SP140L: variants seen among roughly 807,000 people sequenced by gnomAD.
SP140L encodes SP140 like nuclear body protein, also known as nuclear body protein SP140-like protein.
A neutral mutation model predicts 84.3 loss-of-function variants in SP140L; 64 were observed. The observed-to-expected ratio is 0.76, with a 90% CI of 0.62 to 0.94. The LOEUF is 0.94. Among genes scored for constraint, SP140L ranks in the 40% least tolerant of loss-of-function variants. The probability of loss-of-function intolerance (pLI) is 0.00; values close to 1 mark genes in which losing one functional copy is unlikely to be tolerated. For synonymous variants in SP140L, 242 were observed against 236.9 expected, an observed-to-expected ratio of 1.02 and a Z score of -0.20; for missense variants, 628 against 692.5, an observed-to-expected ratio of 0.91 and a Z score of 1.05.
intron 7 of SP140L, among the ~76,000 whole-genome samples, chr2:230,376,477 A>C (rs1042468625): frequency 2.6e-5 from 4 of 152,176 alleles, no homozygotes; most frequent in African/African-American, 9.6e-5. Flanking sequence ...AAATAATCCC[A>C]TTTACAATAG....
intron 2 of SP140L, among the ~76,000 whole-genome samples, chr2:230,338,814 A>G (rs1432074363): frequency 7.0e-6 from 1 of 143,696 alleles, no homozygotes; most frequent in East Asian, 2.0e-4. Flanking sequence ...ATTTGCGTAT[A>G]TTAAACCAGC....
chr2:230,347,913 C>T (rs2060256527), intron 2 of SP140L, among the ~76,000 whole-genome samples: 2 of 152,190 alleles, frequency 1.3e-5, no homozygotes, highest in South Asian at 4.1e-4. Flanking sequence ...GAACACAGTA[C>T]CAGCATGGTG....
At chr2:230,401,918 G>A (rs533810296) in intron 18 of SP140L, 111 bp downstream of exon 18, 3 of 1,063,092 alleles carry the variant, frequency 2.8e-6, no homozygotes, top group East Asian at 4.7e-5. Flanking sequence ...CACGAGCAAG[G>A]GTTCTGGAAG....
Position 230,357,878 on chromosome 2 carries a change from A to G in SP140L, c.181A>G (p.Lys61Glu). 6.2e-7 allele frequency: 1 copy of G among 1,614,112 alleles called. No homozygotes were observed. The highest frequency in any genetic ancestry group is 8.5e-7 in the Non-Finnish European group (1 of 1,179,954). Residue 61 changes from lysine (K) to glutamate (E), a missense_variant, in exon 3 of 19, where the codon AAG becomes GAG. Around this residue, in one of 4 missense-constraint regions of SP140L, gnomAD observed 525 missense variants for 518.4 expected, o/e 1.01. Transcript: ENST00000415673. ...TGTATTCAAGCACTTCAAAAGACAT[A>G]AGCTGGAGATATCAAATGCAATAAA... ...DTVFKHFKRH[K>E]LEISNAIKKT...
intron 4 of SP140L, among the ~76,000 whole-genome samples, 165 bp from the exon 5 acceptor site, chr2:230,361,449 C>T (rs2060713934): frequency 6.6e-6 from 1 of 152,108 alleles, no homozygotes; most frequent in Non-Finnish European, 1.5e-5. Context: ...CACATAAAAG[C>T]TCATTGTTGA....
intron 3 of SP140L, 53 bp from the exon 4 acceptor site, chr2:230,358,910 CT>C (rs768859767): frequency 2.0e-4 from 289 of 1,449,606 alleles, no homozygotes; most frequent in Middle Eastern, 1.2e-3. Context: ...TTTTATGGCT[CT>C]TCTGTAACTT....
intron 2 of SP140L, among the ~76,000 whole-genome samples, chr2:230,342,543 GT>G (rs200655738): frequency 4.4e-4 from 66 of 151,520 alleles, no homozygotes; most frequent in African/African-American, 1.4e-3. Flanking sequence ...TAATGGAAAG[GT>G]TTTTTTTTCC....
chr2:230,382,180 A>G (rs1303667208), intron 7 of SP140L, among the ~76,000 whole-genome samples: 2 of 48,384 alleles, frequency 4.1e-5, no homozygotes, highest in Non-Finnish European at 8.6e-5. Flanking sequence ...ACCCACCCCA[A>G]CAAATGACTG....
chr2:230,386,665 T>A (rs6728619), intron 9 of SP140L, among the ~76,000 whole-genome samples: 108,076 of 151,978 alleles, frequency 0.71, 39,075 homozygotes, highest in South Asian at 0.75. Flanking sequence ...TAAGCTCCAG[T>A]TTGTTCTGTA....
intron 7 of SP140L, among the ~76,000 whole-genome samples, chr2:230,374,893 T>A (rs568272465): frequency 1.3e-5 from 2 of 152,178 alleles, no homozygotes; most frequent in Non-Finnish European, 2.9e-5. Flanking sequence ...ACCAAAAAAA[T>A]TGTGTCTTGC....
At chr2:230,370,549 G>A (rs963944730) in intron 5 of SP140L, among the ~76,000 whole-genome samples, 5 of 152,142 alleles carry the variant, frequency 3.3e-5, no homozygotes, top group Non-Finnish European at 7.4e-5. Flanking sequence ...TTAGTATCTG[G>A]TGAACTAGAA....
chr2:230,400,388 G>C, intron 15 of SP140L, 146 bp downstream of exon 15: 1 of 746,466 alleles, frequency 1.3e-6, no homozygotes, highest in Non-Finnish European at 2.2e-6. Context: ...GATCCAGAGA[G>C]CAGTGGGAGA....
At chr2:230,377,321 T>G (rs1476010256) in intron 7 of SP140L, among the ~76,000 whole-genome samples, 4 of 152,224 alleles carry the variant, frequency 2.6e-5, no homozygotes, top group Non-Finnish European at 5.9e-5. Context: ...CCAGGTTGTT[T>G]TTTTTAAATG....
At chr2:230,370,052 A>T (rs573651336) in intron 5 of SP140L, among the ~76,000 whole-genome samples, 1 of 152,166 alleles carries the variant, frequency 6.6e-6, no homozygotes, top group Admixed American at 6.5e-5. Flanking sequence ...GATTACAGGC[A>T]TGAGCCACCG....
intron 11 of SP140L, 178 bp from the exon 12 acceptor site, chr2:230,391,909 C>T: frequency 1.3e-6 from 1 of 750,910 alleles, no homozygotes; most frequent in African/African-American, 1.8e-5. Context: ...AGGAAATATA[C>T]TTAGAGGGGA....
intron 2 of SP140L, among the ~76,000 whole-genome samples, chr2:230,332,848 G>A (rs2059764146): frequency 6.6e-6 from 1 of 152,088 alleles, no homozygotes; most frequent in Non-Finnish European, 1.5e-5. Context: ...AATTAGTTCT[G>A]GTTAGTTTCA....
intron 2 of SP140L, among the ~76,000 whole-genome samples, chr2:230,354,848 GGAAAGAA>G (rs1463246334): frequency 9.2e-6 from 1 of 108,838 alleles, no homozygotes; most frequent in Non-Finnish European, 1.8e-5. Flanking sequence ...AAGAAAGAAA[GGAAAGAA>G]AGAAAGAAAG....
chr2:230,352,494 A>G (rs4277514), intron 2 of SP140L, among the ~76,000 whole-genome samples: 122,231 of 152,068 alleles, frequency 0.8, 50,028 homozygotes, highest in East Asian at 1. Context: ...ATCAGATCTC[A>G]TGAGAACTCA....
intron 18 of SP140L, among the ~76,000 whole-genome samples, chr2:230,402,550 A>G (rs1642170681): frequency 6.6e-6 from 1 of 152,240 alleles, no homozygotes; most frequent in Non-Finnish European, 1.5e-5. Flanking sequence ...GTAAATATCA[A>G]ATGTTCTCAC....
Sources: allele counts gnomAD v4.1 joint callset (sites outside exome capture counted in the v4.1 genomes callset), GRCh38; gene constraint gnomAD v4.1.1; regional missense constraint gnomAD v4.1.1; transcripts MANE v1.5; gene names NCBI Gene and HGNC (gene_info 2026-07-23, HGNC 2026-07-21).